MRPS18C: variants seen among roughly 807,000 people sequenced by gnomAD.
The protein encoded by MRPS18C is small ribosomal subunit protein bS18m.
Under a neutral mutation model 21.0 loss-of-function variants are expected in MRPS18C, and 21 were observed. That is an observed-to-expected ratio of 1.00 (90% CI 0.71 to 1.44). MRPS18C has a LOEUF of 1.44. Among genes scored for constraint, MRPS18C ranks in the 40% most tolerant of loss-of-function variants. The pLI, the probability that MRPS18C is intolerant of heterozygous loss-of-function variation, is 0.00. For synonymous variants in MRPS18C, 65 were observed against 54.3 expected, an observed-to-expected ratio of 1.20 and a Z score of -0.87; for missense variants, 152 against 171.5, an observed-to-expected ratio of 0.89 and a Z score of 0.64.
intron 2 of MRPS18C, 86 bp downstream of exon 2, chr4:83,457,044 C>CT: frequency 1.8e-6 from 2 of 1,127,030 alleles, no homozygotes; most frequent in Non-Finnish European, 2.6e-6. Context: ...GTATTAGACT[C>CT]TAACATCTTT....
chr4:83,456,596 C>T (rs1721834991), intron 1 of MRPS18C, among the ~76,000 whole-genome samples: 1 of 152,072 alleles, frequency 6.6e-6, no homozygotes, highest in Non-Finnish European at 1.5e-5. Context: ...TATGACAGTG[C>T]CTTTCTGTTG....
At position 83,459,028 on chromosome 4, in the gene MRPS18C, C is replaced by G. The variant is rs536051254; in HGVS notation, c.234+599C>G. 2.0e-5 allele frequency: 3 copies of G among 152,310 alleles called. No individual in the cohort carries two copies. The South Asian group carries it at 6.2e-4, about 32-fold the overall frequency. The allele number at this position is 152,310 out of a possible 1,614,324, so 9.4% of individuals were successfully genotyped here. On this transcript the variant is annotated intron_variant, in intron 3 of 5. Coordinates refer to ENST00000295491, the MANE Select transcript of MRPS18C (RefSeq NM_016067.4). ...GAGTGTGGTGGTGCATGCCTGTAAT[C>G]CCAGCTACTTGGGAGGCTGAGGCAG...
At chr4:83,458,676 G>T in intron 3 of MRPS18C, 1 of 329,892 alleles carries the variant, frequency 3.0e-6, no homozygotes, top group Non-Finnish European at 5.5e-6. Context: ...CATCTTAATA[G>T]CTCCCTGTGG....
intron 2 of MRPS18C, 76 bp from the exon 3 acceptor site, chr4:83,458,270 T>C (rs1721939780): frequency 9.9e-7 from 1 of 1,007,984 alleles, no homozygotes; most frequent in African/African-American, 1.6e-5. Flanking sequence ...TTGAATGGAT[T>C]TGAATGTAGA....
chr4:83,458,491 A>G, intron 3 of MRPS18C, 62 bp downstream of exon 3: 1 of 1,292,404 alleles, frequency 7.7e-7, no homozygotes, highest in Admixed American at 2.3e-5. Flanking sequence ...CTGCTTAAAG[A>G]GAATCAAGTC....
intron 4 of MRPS18C, 93 bp from the exon 5 acceptor site, chr4:83,460,880 T>C (rs1722072517): frequency 1.0e-5 from 11 of 1,065,424 alleles, no homozygotes; most frequent in Non-Finnish European, 1.5e-5. Context: ...TACTCCAGCC[T>C]GGGTGACACA....
Position 83,456,152 on chromosome 4 carries a change from C to G in MRPS18C, c.75C>G (p.Ser25Arg), listed in dbSNP as rs1233236255. 3.7e-6 allele frequency: 6 copies of G among 1,613,746 alleles called. No homozygotes were observed. Among genetic ancestry groups the G allele is most frequent in the Non-Finnish European group, 5.1e-6 (6 of 1,179,982 alleles). ...CACACTTGGTAACGGCTGCTGTCAGCCTTACACATCCCGGGACTCACACGG... is the reference window on the plus strand; with the variant it reads ...CACACTTGGTAACGGCTGCTGTCAGGCTTACACATCCCGGGACTCACACGG... ...KLTHLVTAAV[S>R]LTHPGTHTVL... Residue 25 changes from serine to arginine, a missense_variant, in exon 1 of 6, where the codon AGC becomes AGG. Ser to Arg is a moderately radical substitution (Grantham distance 110). Coordinates refer to ENST00000295491, the MANE Select transcript of MRPS18C (RefSeq NM_016067.4).
At chr4:83,457,110 T>C (rs1721873902) in intron 2 of MRPS18C, 152 bp downstream of exon 2, 3 of 606,280 alleles carry the variant, frequency 4.9e-6, no homozygotes, top group Non-Finnish European at 8.4e-6. Flanking sequence ...TGATAATTAC[T>C]CTGAGTTCAG....
chr4:83,460,694 A>C (rs997529080), intron 4 of MRPS18C: 6 of 335,738 alleles, frequency 1.8e-5, no homozygotes, highest in African/African-American at 6.6e-5. Context: ...ACCTGAGGCC[A>C]GGAGTTCAGG....
intron 4 of MRPS18C, 37 bp from the exon 5 acceptor site, chr4:83,460,936 A>C (rs761549292): frequency 6.4e-7 from 1 of 1,565,400 alleles, no homozygotes. Context: ...TTAAATATTG[A>C]CATTTTTTAT....
Position 83,456,978 on chromosome 4 carries a change from T to C in MRPS18C, c.150+20T>C. 6.2e-7 allele frequency: 1 copy of C among 1,608,416 alleles called. No individual in the cohort carries two copies. The highest frequency in any genetic ancestry group is 8.5e-7 in the Non-Finnish European group (1 of 1,177,334). On this transcript the variant is annotated intron_variant, in intron 2 of 5. Transcript: ENST00000295491. Reference sequence around the variant, plus strand: ...GACCTGGTAAGAATTTTTTTTTCTATTAGTAAGGCCTTTGCAAATATGACC... The same window carrying C: ...GACCTGGTAAGAATTTTTTTTTCTACTAGTAAGGCCTTTGCAAATATGACC...
Position 83,461,765 on chromosome 4 carries a change from T to C in MRPS18C, c.*568T>C, listed in dbSNP as rs1196459206. 1.3e-5 allele frequency: 3 copies of C among 228,170 alleles called. No homozygotes were observed. Among genetic ancestry groups the C allele is most frequent in the African/African-American group, 4.4e-5 (2 of 45,042 alleles). The allele number at this position is 228,170 out of a possible 1,614,324, so 14.1% of individuals were successfully genotyped here. On this transcript the variant is annotated 3_prime_UTR_variant, in exon 6 of 6. Transcript: ENST00000295491. ...CAGGCTTGTACTGTATTCAAAATGA[T>C]AGATTTGCTAAATTTCATGCAAAGG...
At position 83,456,328 on chromosome 4, in the gene MRPS18C, T is replaced by C. The variant is rs1171920031; in HGVS notation, c.100+151T>C. The C allele has an allele frequency of 8.9e-6, 6 of 670,760 alleles. No homozygotes were observed. In the African/African-American group the frequency reaches 1.1e-4, roughly 12 times the overall value. The allele number at this position is 670,760 out of a possible 1,614,324, so 41.6% of individuals were successfully genotyped here. On this transcript the variant is annotated intron_variant, in intron 1 of 5. Coordinates refer to ENST00000295491, the MANE Select transcript of MRPS18C (RefSeq NM_016067.4). ...GTGGGAATCTGTAATTGCCTTTGAC[T>C]GTTTTAGTGTCGTCTAATCCACTCC...
Position 83,458,434 on chromosome 4 carries a change from G to C in MRPS18C, c.234+5G>C. ...GTAGATTATAAGAATGTACAGGTGAGATCTGGTTTTACTTCACTATATTTT... is the reference window on the plus strand; with the variant it reads ...GTAGATTATAAGAATGTACAGGTGACATCTGGTTTTACTTCACTATATTTT... On this transcript the variant is annotated splice_donor_5th_base_variant and intron_variant, in intron 3 of 5. Transcript: ENST00000295491. 1 of 1,568,882 alleles carries C rather than the reference G, an allele frequency of 6.4e-7. No homozygotes were observed. The highest frequency in any genetic ancestry group is 8.7e-7 in the Non-Finnish European group (1 of 1,146,614).
chr4:83,460,311 C>T (rs1055840271), intron 4 of MRPS18C: 1 of 152,268 alleles, frequency 6.6e-6, no homozygotes, highest in Non-Finnish European at 1.5e-5. Flanking sequence ...GCATGCACCA[C>T]CACGCCTGGC....
At position 83,462,215 on chromosome 4, in the gene MRPS18C, T is replaced by C. The variant is rs534393973; in HGVS notation, c.*1018T>C. ...GTCTCACTTTTCCAATTCTAAAGAA[T>C]GTGTCTGTGTAAGCCTTCCCCTCAA... On this transcript the variant is annotated 3_prime_UTR_variant, in exon 6 of 6. Transcript: ENST00000295491. 7.0e-5 allele frequency: 28 copies of C among 397,392 alleles called. 1 individual carries two copies. Among genetic ancestry groups the C allele is most frequent in the Middle Eastern group, 6.5e-4 (1 of 1,540 alleles). 24.6% of individuals were successfully genotyped at this position (397,392 alleles called of 1,614,324 possible).
rs1721810934 is a variant in MRPS18C, at chr4:83,456,175, C to T, written c.98C>T (p.Thr33Met). 6.3e-7 allele frequency: 1 copy of T among 1,583,390 alleles called. No homozygotes were observed. Among genetic ancestry groups the T allele is most frequent in the African/African-American group, 1.4e-5 (1 of 73,630 alleles). Residue 33 changes from threonine (T) to methionine (M), a missense_variant and splice_region_variant, in exon 1 of 6, where the codon ACG becomes ATG. By Grantham distance (81) the Thr-to-Met change is moderately conservative. Coordinates refer to ENST00000295491, the MANE Select transcript of MRPS18C (RefSeq NM_016067.4). ...AGCCTTACACATCCCGGGACTCACA[C>T]GGGTAAAGTCTCCATATCCTATGCT... is the stretch of plus-strand genomic sequence containing the variant. ...AVSLTHPGTHTVLWRRGCSQQ... is the reference protein window; with the variant it reads ...AVSLTHPGTHMVLWRRGCSQQ...
chr4:83,457,256 ATTG>A (rs1184237631), intron 2 of MRPS18C: 7 of 254,540 alleles, frequency 2.8e-5, no homozygotes, highest in South Asian at 1.0e-4. Context: ...TGATTTGGGA[ATTG>A]TTTTTTTTTT....
chr4:83,459,680 C>T (rs1722004432), intron 3 of MRPS18C, 60 bp from the exon 4 acceptor site: 7 of 1,453,860 alleles, frequency 4.8e-6, no homozygotes, highest in Non-Finnish European at 6.7e-6. Context: ...TTGAAATTTA[C>T]ACATTCAGAA....
Sources: gnomAD v4.1 joint callset for allele counts (sites outside exome capture counted in the v4.1 genomes callset) on GRCh38, gnomAD v4.1.1 for gene constraint, MANE v1.5 for transcripts, NCBI Gene and HGNC (gene_info 2026-07-23, HGNC 2026-07-21) for gene names.